The following XKR6 variants were observed in gnomAD, a reference collection of about 807,000 sequenced individuals.
The protein encoded by XKR6 is XK related 6, also known as XK-related protein 6.
XKR6 carries 22 observed loss-of-function variants against 56.7 expected under a neutral mutation model. That is an observed-to-expected ratio of 0.39 (90% CI 0.28 to 0.55). XKR6 has a LOEUF of 0.55. Among genes scored for constraint, XKR6 ranks in the 20% least tolerant of loss-of-function variants. XKR6 has a pLI of 0.66. For synonymous variants in XKR6, 524 were observed against 387.8 expected, an observed-to-expected ratio of 1.35 and a Z score of -4.13; for missense variants, 852 against 889.0, an observed-to-expected ratio of 0.96 and a Z score of 0.53.
intron 1 of XKR6, among the ~76,000 whole-genome samples, chr8:11,090,567 G>C (rs765592238): frequency 2.0e-5 from 3 of 152,050 alleles, no homozygotes; most frequent in African/African-American, 7.2e-5. Flanking sequence ...ACACTTGCCT[G>C]CATTTTATGC....
intron 1 of XKR6, among the ~76,000 whole-genome samples, chr8:10,979,621 T>G (rs1011952355): frequency 2.0e-5 from 3 of 152,214 alleles, no homozygotes; most frequent in East Asian, 1.9e-4. Flanking sequence ...GTGGGTTGAG[T>G]GCAGCCTGGC....
At position 10,900,317 on chromosome 8, in the gene XKR6, C is replaced by G. The variant is rs764048843; in HGVS notation, c.962-1401G>C. 2.6e-5 allele frequency among the ~76,000 whole-genome samples: 4 copies of G among 152,204 alleles called. No homozygotes were observed. The East Asian group carries it at 7.7e-4, about 29-fold the overall frequency. On this transcript the variant is annotated intron_variant, in intron 2 of 2. Coordinates refer to ENST00000416569, the MANE Select transcript of XKR6 (RefSeq NM_173683.4). ...CACCAGGCTTCTGCTCGTCTCTCCC[C>G]GGGACCTGCCCAACTCCCCACAACT...
chr8:11,045,075 C>CTTTT lies in XKR6; in HGVS notation c.765-120249_765-120246dup, dbSNP rs5889356. On this transcript the variant is annotated intron_variant, in intron 1 of 2. Coordinates refer to ENST00000416569, the MANE Select transcript of XKR6 (RefSeq NM_173683.4). Reference sequence around the variant, plus strand: ...TTACCATTTCCACCCTCAAATCACTCTTTTTTTTTTTTTTTTTTTTTTTTT... The same window carrying CTTTT: ...TTACCATTTCCACCCTCAAATCACTCTTTTTTTTTTTTTTTTTTTTTTTTTTTTT... 7.0e-3 allele frequency among the ~76,000 whole-genome samples: 254 copies of CTTTT among 36,052 alleles called. 58 individuals carry two copies. The highest frequency in any genetic ancestry group is 9.2e-3 in the African/African-American group (91 of 9,906). The allele number at this position is 36,052 out of a possible 152,430, so 23.7% of individuals were successfully genotyped here.
At chr8:11,103,939 T>C (rs1798580149) in intron 1 of XKR6, among the ~76,000 whole-genome samples, 1 of 152,222 alleles carries the variant, frequency 6.6e-6, no homozygotes, top group Admixed American at 6.5e-5. Flanking sequence ...TTAAAAGCCA[T>C]TGCTGACAGC....
At chr8:10,901,052 C>CCTCTTTTTTT (rs1563277637) in intron 2 of XKR6, among the ~76,000 whole-genome samples, 1 of 107,856 alleles carries the variant, frequency 9.3e-6, no homozygotes, top group Non-Finnish European at 2.0e-5. Context: ...AGAGTTTCTA[C>CCTCTTTTTTT]TTCTTTTTTT....
At chr8:11,071,356 C>T (rs538582515) in intron 1 of XKR6, among the ~76,000 whole-genome samples, 1 of 152,348 alleles carries the variant, frequency 6.6e-6, no homozygotes, top group African/African-American at 2.4e-5. Flanking sequence ...TCTCGTGCCT[C>T]AGCCTCCCAA....
rs902123169 is a variant in XKR6, at chr8:11,201,036, C to G, written c.304G>C (p.Gly102Arg). The G allele has an allele frequency of 7.5e-6, 9 of 1,203,046 alleles. No homozygotes were observed. In the African/African-American group the frequency reaches 8.0e-5, roughly 11 times the overall value. 74.5% of individuals were successfully genotyped at this position (1,203,046 alleles called of 1,614,324 possible). ...DQPLQPPAAPGAGRQPPTPSA... is the reference protein window; with the variant it reads ...DQPLQPPAAPRAGRQPPTPSA... Reference sequence around the variant, plus strand: ...GGCGTCGGGGGTTGGCGGCCGGCGCCGGGGGCCGCGGGAGGCTGCAGCGGC... The same window carrying G: ...GGCGTCGGGGGTTGGCGGCCGGCGCGGGGGGCCGCGGGAGGCTGCAGCGGC... Residue 102 changes from glycine to arginine, a missense_variant, in exon 1 of 3, where the codon GGC becomes CGC. Gly to Arg is a moderately radical substitution (Grantham distance 125). Transcript: ENST00000416569.
chr8:11,094,621 G>C (rs562770726), intron 1 of XKR6, among the ~76,000 whole-genome samples: 3 of 152,178 alleles, frequency 2.0e-5, no homozygotes, highest in Non-Finnish European at 2.9e-5. Context: ...ATCCACTGCA[G>C]TGCACAGACT....
rs1246778872 is a variant in XKR6 at position 11,195,183 on chromosome 8, C to T, written c.764+5393G>A. On this transcript the variant is annotated intron_variant, in intron 1 of 2. Coordinates refer to ENST00000416569, the MANE Select transcript of XKR6 (RefSeq NM_173683.4). ...AGGCAACTTCATGTGGTTAAATCTG[C>T]TCCTTCTTTTCCTTGATGGTACCAA... The T allele has an allele frequency of 4.3e-6, 3 of 703,086 alleles. No individual in the cohort carries two copies. In the African/African-American group the frequency reaches 5.2e-5, roughly 12 times the overall value. The allele number at this position is 703,086 out of a possible 1,614,324, so 43.6% of individuals were successfully genotyped here. A position where few individuals can be genotyped will look rare whatever the true frequency, so the allele number is the denominator to read the frequency against.
At chr8:11,079,419 C>G (rs4840541) in intron 1 of XKR6, among the ~76,000 whole-genome samples, 2 of 152,010 alleles carry the variant, frequency 1.3e-5, no homozygotes, top group African/African-American at 4.8e-5. Flanking sequence ...AAGCAAATTG[C>G]AGAACAATAT....
At chr8:11,006,434 T>C (rs1298118895) in intron 1 of XKR6, among the ~76,000 whole-genome samples, 3 of 152,212 alleles carry the variant, frequency 2.0e-5, no homozygotes, top group African/African-American at 4.8e-5. Flanking sequence ...GTCTGAGACA[T>C]GCCAGTCATT....
chr8:11,156,089 G>C (rs1801505593), intron 1 of XKR6, among the ~76,000 whole-genome samples: 1 of 152,082 alleles, frequency 6.6e-6, no homozygotes, highest in South Asian at 2.1e-4. Flanking sequence ...TAAAGATTTT[G>C]ACTTTATCCA....
chr8:10,916,896 T>A (rs895445592), intron 2 of XKR6, among the ~76,000 whole-genome samples: 1 of 152,154 alleles, frequency 6.6e-6, no homozygotes, highest in Non-Finnish European at 1.5e-5. Context: ...GGGCTTCTGA[T>A]ATAAAAGGAG....
intron 1 of XKR6, among the ~76,000 whole-genome samples, chr8:11,116,573 G>T (rs1445660300): frequency 6.6e-6 from 1 of 152,144 alleles, no homozygotes; most frequent in Non-Finnish European, 1.5e-5. Flanking sequence ...GTTTCTCCAT[G>T]TTGGCCAGGC....
intron 1 of XKR6, among the ~76,000 whole-genome samples, chr8:11,028,900 G>C (rs1056185383): frequency 1.4e-4 from 21 of 152,302 alleles, no homozygotes; most frequent in Admixed American, 8.5e-4. Context: ...AGGTGGCAGG[G>C]TGGGATGTGA....
intron 1 of XKR6, among the ~76,000 whole-genome samples, chr8:10,957,731 G>A (rs1194937020): frequency 6.6e-6 from 1 of 152,108 alleles, no homozygotes; most frequent in East Asian, 1.9e-4. Context: ...TCACCAATGG[G>A]GGACCTCTCC....
intron 1 of XKR6, among the ~76,000 whole-genome samples, chr8:11,155,198 T>C (rs570920462): frequency 6.6e-6 from 1 of 152,240 alleles, no homozygotes; most frequent in East Asian, 1.9e-4. Flanking sequence ...GCTTGGCCAC[T>C]GTTACCAAAG....
In XKR6 at chr8:10,898,659, C is replaced by G. The variant is rs1303619990; in HGVS notation, c.1219G>C (p.Asp407His). Reference sequence around the variant, plus strand: ...TCCTCCCACTTGGACATGCAGAAGTCTGTTCCGCCATGGATGATCCAGAAG... The same window carrying G: ...TCCTCCCACTTGGACATGCAGAAGTGTGTTCCGCCATGGATGATCCAGAAG... ...MAFWIIHGGT[D>H]FCMSKWEEIL... Residue 407 changes from aspartate (D) to histidine (H), a missense_variant, in exon 3 of 3, where the codon GAC becomes CAC. This residue lies in a region of XKR6 where 199 missense variants were observed against 280.4 expected (regional missense o/e 0.71). Coordinates refer to ENST00000416569, the MANE Select transcript of XKR6 (RefSeq NM_173683.4). The surrounding 1 kb of genome is among the most constrained non-coding windows in gnomAD (Gnocchi z 6.6). 1 of 1,614,188 alleles carries G rather than the reference C, an allele frequency of 6.2e-7. No individual in the cohort carries two copies. Among genetic ancestry groups the G allele is most frequent in the South Asian group, 1.1e-5 (1 of 91,078 alleles).
intron 1 of XKR6, among the ~76,000 whole-genome samples, chr8:10,960,562 C>CCACTTCTGCATAGT (rs1387700347): frequency 6.6e-6 from 1 of 152,220 alleles, no homozygotes; most frequent in Non-Finnish European, 1.5e-5. Context: ...CAGCTGTCTG[C>CCACTTCTGCATAGT]CACTTCTGCA....
Sources: gnomAD v4.1 joint callset for allele counts (sites outside exome capture counted in the v4.1 genomes callset) on GRCh38, gnomAD v4.1.1 for gene constraint, gnomAD v4.1.1 regional missense constraint, Gnocchi (gnomAD v3.1) non-coding constraint, MANE v1.5 for transcripts, NCBI Gene and HGNC (gene_info 2026-07-23, HGNC 2026-07-21) for gene names.